The following GUCY1B1 variants were observed in gnomAD, a reference collection of about 807,000 sequenced individuals.
The protein encoded by GUCY1B1 is guanylate cyclase soluble subunit beta-1.
GUCY1B1 carries 43 observed loss-of-function variants against 71.0 expected under a neutral mutation model. The ratio of observed to expected loss-of-function variants is 0.61; its 90% CI spans 0.47 to 0.78. The LOEUF (loss-of-function observed/expected upper bound fraction) is 0.78, where lower values mean the gene tolerates loss of function less well. Ranked by LOEUF, GUCY1B1 falls within the 30% of genes least tolerant of loss-of-function variation. GUCY1B1 has a pLI of 0.00. For synonymous variants in GUCY1B1, 266 were observed against 259.7 expected (o/e 1.02, Z -0.23); for missense variants, 535 against 754.1 (o/e 0.71, Z 3.40).
intron 3 of GUCY1B1, 36 bp from the exon 4 acceptor site, chr4:155,777,488 A>G (rs771309851): frequency 9.8e-7 from 1 of 1,016,074 alleles, no homozygotes; most frequent in African/African-American, 1.6e-5. Context: ...TTCACCTATT[A>G]TATGCTTTTT....
intron 7 of GUCY1B1, 107 bp downstream of exon 7, chr4:155,795,564 C>T (rs897104251): frequency 8.9e-6 from 5 of 564,818 alleles, no homozygotes; most frequent in Non-Finnish European, 1.5e-5. Context: ...AGAGATAAAA[C>T]CCAGACCTCA....
chr4:155,777,378 G>A (rs567117396), intron 3 of GUCY1B1, 146 bp from the exon 4 acceptor site: 43 of 607,872 alleles, frequency 7.1e-5, no homozygotes, highest in Non-Finnish European at 1.1e-4. Flanking sequence ...TTGTCCTGGC[G>A]GGATTTTTTT....
rs1342140627 is a variant in GUCY1B1, at chr4:155,789,830, G to C, written c.414G>C (p.Glu138Asp). The part of the protein sequence containing the change: ...GKGLILHYYS[E>D]REGLQDIVIG... ...GACTCATTTTGCACTACTACTCAGAGAGAGAAGGACTTCAGGATATTGTCA... is the reference window on the plus strand; with the variant it reads ...GACTCATTTTGCACTACTACTCAGACAGAGAAGGACTTCAGGATATTGTCA... Residue 138 changes from glutamate to aspartate, a missense_variant, in exon 5 of 14, where the codon GAG (glutamate) becomes GAC (aspartate). Glu to Asp is a conservative substitution (Grantham distance 45). Coordinates refer to ENST00000264424, the MANE Select transcript of GUCY1B1 (RefSeq NM_000857.5). 6.2e-7 allele frequency: 1 copy of C among 1,612,090 alleles called. No homozygotes were observed. Among genetic ancestry groups the C allele is most frequent in the Non-Finnish European group, 8.5e-7 (1 of 1,178,302 alleles).
At position 155,795,472 on chromosome 4, in the gene GUCY1B1, A is replaced by G. The variant is rs1454761456; in HGVS notation, c.843+15A>G. ...TGAGAAGCAAGGTAATCAAGATATT[A>G]TTTCATTAAATGTGAGAAAGGTATG... On this transcript the variant is annotated intron_variant, in intron 7 of 13. Transcript: ENST00000264424. 1 of 1,159,710 alleles carries G rather than the reference A, an allele frequency of 8.6e-7. No homozygotes were observed. The highest frequency in any genetic ancestry group is 1.3e-6 in the Non-Finnish European group (1 of 773,798). The allele number at this position is 1,159,710 out of a possible 1,614,324, so 71.8% of individuals were successfully genotyped here.
chr4:155,759,651 C>A (rs1309692648), intron 1 of GUCY1B1, 136 bp from the exon 2 acceptor site: 3 of 625,724 alleles, frequency 4.8e-6, no homozygotes, highest in Non-Finnish European at 8.5e-6. Context: ...GTGCATAGTA[C>A]CCCTAAGGGA....
At chr4:155,776,833 A>G (rs1013690885) in intron 3 of GUCY1B1, among the ~76,000 whole-genome samples, 14 of 152,326 alleles carry the variant, frequency 9.2e-5, no homozygotes, top group South Asian at 2.1e-4. Flanking sequence ...TGTCATGTGC[A>G]TTCTTGATGA....
At chr4:155,776,709 T>C (rs1738076864) in intron 3 of GUCY1B1, among the ~76,000 whole-genome samples, 1 of 152,130 alleles carries the variant, frequency 6.6e-6, no homozygotes, top group African/African-American at 2.4e-5. Context: ...ATTTAAGTTT[T>C]AGGAAATATT....
In GUCY1B1 at chr4:155,802,309, T is replaced by C. The variant is rs1740008466; in HGVS notation, c.1176-33T>C. ...GCACTAAAGGCTTTCCCAGTATTTC[T>C]TACAGTGGCTTTCTGCTGATCCCAC... is the stretch of plus-strand genomic sequence containing the variant. On this transcript the variant is annotated intron_variant, in intron 9 of 13. Coordinates refer to ENST00000264424, the MANE Select transcript of GUCY1B1 (RefSeq NM_000857.5). The surrounding 1 kb of genome is among the most constrained non-coding windows in gnomAD (Gnocchi z 4.3). 3 of 1,613,016 alleles carry C rather than the reference T, an allele frequency of 1.9e-6. No individual in the cohort carries two copies. In the Admixed American group the frequency reaches 5.0e-5, roughly 27 times the overall value.
intron 5 of GUCY1B1, among the ~76,000 whole-genome samples, chr4:155,791,139 G>C (rs1252100962): frequency 1.3e-5 from 2 of 149,008 alleles, no homozygotes; most frequent in Admixed American, 1.3e-4. Flanking sequence ...TTTTGAGACA[G>C]AGTCTCACTC....
intron 1 of GUCY1B1, 109 bp from the exon 2 acceptor site, chr4:155,759,678 G>A (rs1489869415): frequency 2.8e-6 from 2 of 720,712 alleles, no homozygotes; most frequent in Middle Eastern, 3.1e-4. Flanking sequence ...TCAGGGGCGG[G>A]GTGAAAGGTT....
intron 8 of GUCY1B1, among the ~76,000 whole-genome samples, chr4:155,798,836 T>TGTC (rs1251419335): frequency 1.5e-5 from 2 of 137,460 alleles, no homozygotes; most frequent in Admixed American, 7.2e-5. Context: ...TAGGTTTTGT[T>TGTC]GTCGTTGTTG....
intron 3 of GUCY1B1, among the ~76,000 whole-genome samples, chr4:155,776,226 T>C (rs766221032): frequency 2.0e-5 from 3 of 152,176 alleles, no homozygotes; most frequent in Non-Finnish European, 4.4e-5. Flanking sequence ...TAAAAAAATA[T>C]TAAAACCTTC....
rs532701993 is a variant in GUCY1B1, at chr4:155,798,440, G to A, written c.978-1437G>A. On this transcript the variant is annotated intron_variant, in intron 8 of 13. Transcript: ENST00000264424. Reference sequence around the variant, plus strand: ...GGGCAGGTCTCGTATACCTTTGGCCGATGATCTGGCTTCTTTCTAGATGTG... The same window carrying A: ...GGGCAGGTCTCGTATACCTTTGGCCAATGATCTGGCTTCTTTCTAGATGTG... Among the ~76,000 whole-genome samples the A allele has an allele frequency of 7.2e-5, 11 of 152,228 alleles. No homozygotes were observed. The South Asian group carries it at 1.5e-3, about 20-fold the overall frequency.
rs533622503 is a variant in GUCY1B1, at chr4:155,774,544, A to G, written c.78-424A>G. On this transcript the variant is annotated intron_variant, in intron 2 of 13. Transcript: ENST00000264424. Reference sequence around the variant, plus strand: ...TATGTTGTGTCTGTTTTCCCAGAATATATGTATTGCAAGAAGTCAGGGATT... The same window carrying G: ...TATGTTGTGTCTGTTTTCCCAGAATGTATGTATTGCAAGAAGTCAGGGATT... Among the ~76,000 whole-genome samples the G allele has an allele frequency of 3.9e-5, 6 of 152,260 alleles. No homozygotes were observed. In the East Asian group the frequency reaches 9.6e-4, roughly 24 times the overall value.
chr4:155,794,103 C>T lies in GUCY1B1; in HGVS notation c.726+17C>T. The T allele has an allele frequency of 7.3e-7, 1 of 1,362,856 alleles. No homozygotes were observed. The highest frequency in any genetic ancestry group is 1.0e-6 in the Non-Finnish European group (1 of 953,768). 84.4% of individuals were successfully genotyped at this position (1,362,856 alleles called of 1,614,324 possible). Reference sequence around the variant, plus strand: ...CTCCCCCAGGTAAAATGACAGCATACTTCCTTGGGGCCTGAGACAAAAGCC... The same window carrying T: ...CTCCCCCAGGTAAAATGACAGCATATTTCCTTGGGGCCTGAGACAAAAGCC... On this transcript the variant is annotated intron_variant, in intron 6 of 13. Coordinates refer to ENST00000264424, the MANE Select transcript of GUCY1B1 (RefSeq NM_000857.5).
rs745781979 is a variant in GUCY1B1 at position 155,793,915 on chromosome 4, G to T, written c.555G>T (p.Glu185Asp). Residue 185 changes from glutamate (E) to aspartate (D), a missense_variant, in exon 6 of 14, where the codon GAG (glutamate) becomes GAT (aspartate). Coordinates refer to ENST00000264424, the MANE Select transcript of GUCY1B1 (RefSeq NM_000857.5). ...DHTQFLIEEK[E>D]SKEEDFYEDL... is the part of the protein sequence containing the mutation. ...CTCAATTTTTAATTGAAGAAAAAGA[G>T]TCAAAAGAAGAGGATTTTTATGAAG... 1 of 1,592,488 alleles carries T rather than the reference G, an allele frequency of 6.3e-7. No individual in the cohort carries two copies. Among genetic ancestry groups the T allele is most frequent in the South Asian group, 1.1e-5 (1 of 90,618 alleles).
At chr4:155,801,702 G>A (rs1367563747) in intron 9 of GUCY1B1, among the ~76,000 whole-genome samples, 1 of 152,078 alleles carries the variant, frequency 6.6e-6, no homozygotes, top group Non-Finnish European at 1.5e-5. Context: ...AAATTCACCA[G>A]CTGTCATCCT....
At chr4:155,785,455 G>A in intron 4 of GUCY1B1, 1 of 539,620 alleles carries the variant, frequency 1.9e-6, no homozygotes, top group East Asian at 3.1e-5. Context: ...AAATAACACA[G>A]AATATCAGTT....
chr4:155,797,838 A>G (rs1040056052), intron 8 of GUCY1B1, among the ~76,000 whole-genome samples: 5 of 151,474 alleles, frequency 3.3e-5, no homozygotes, highest in African/African-American at 1.2e-4. Context: ...AATATATCAG[A>G]TAATATAAGG....
Sources: allele counts gnomAD v4.1 joint callset (sites outside exome capture counted in the v4.1 genomes callset), GRCh38; gene constraint gnomAD v4.1.1; non-coding constraint Gnocchi (gnomAD v3.1); transcripts MANE v1.5; gene names NCBI Gene and HGNC (gene_info 2026-07-23, HGNC 2026-07-21).